Variants in PSME4 observed in about 807,000 individuals in gnomAD.
PSME4 encodes proteasome activator complex subunit 4.
PSME4 carries 89 observed loss-of-function variants against 253.9 expected under a neutral mutation model. The ratio of observed to expected loss-of-function variants is 0.35; its 90% confidence interval spans 0.30 to 0.42. PSME4 has a LOEUF of 0.42. Among genes scored for constraint, PSME4 ranks in the 10% least tolerant of loss-of-function variants. The probability of loss-of-function intolerance (pLI) is 1.00; values close to 1 mark genes in which losing one functional copy is unlikely to be tolerated. For missense variants in PSME4, 2,014 were observed against 2,195.2 expected (o/e 0.92, Z 1.65); for synonymous variants, 851 against 759.2 (o/e 1.12, Z -1.99).
At chr2:53,878,442 G>C (rs940013969) in intron 41 of PSME4, among the ~76,000 whole-genome samples, 3 of 152,184 alleles carry the variant, frequency 2.0e-5, no homozygotes, top group South Asian at 2.1e-4. Context: ...AAAAGAACAG[G>C]ATAACAGCAA....
At chr2:53,936,687 C>T (rs1669131561) in intron 6 of PSME4, 77 bp downstream of exon 6, 11 of 1,052,198 alleles carry the variant, frequency 1.0e-5, no homozygotes, top group Middle Eastern at 2.1e-4. Context: ...ATATTTATCT[C>T]CAAATTAAAA....
Position 53,892,828 on chromosome 2 carries a change from T to C in PSME4, c.4171A>G (p.Lys1391Glu). ...ATCACCTTTTCAAATGTCCAGTGCT[T>C]AGAACCTCTGATTAAACCAGCTATA... The part of the protein sequence containing the change: ...EIIAGLIRGS[K>E]HWTFEKVEKL... The change falls in exon 36 of 47, where the codon AAG (lysine) becomes GAG (glutamate). Residue 1391 changes from lysine (K) to glutamate (E), a missense_variant. Lys to Glu is a moderately conservative substitution (Grantham distance 56, BLOSUM62 1). Around this residue, in one of 4 missense-constraint regions of PSME4, gnomAD observed 403 missense variants for 556.1 expected, o/e 0.72. Transcript: ENST00000404125. 1 of 1,613,530 alleles carries C rather than the reference T, an allele frequency of 6.2e-7. No individual in the cohort carries two copies. Among genetic ancestry groups the C allele is most frequent in the Non-Finnish European group, 8.5e-7 (1 of 1,179,744 alleles).
At chr2:53,877,697 A>G (rs1189133490) in intron 41 of PSME4, among the ~76,000 whole-genome samples, 1 of 152,188 alleles carries the variant, frequency 6.6e-6, no homozygotes, top group Non-Finnish European at 1.5e-5. Context: ...AAACTGGACC[A>G]AAGACAGACA....
At chr2:53,878,092 G>T (rs939974772) in intron 41 of PSME4, among the ~76,000 whole-genome samples, 1 of 152,154 alleles carries the variant, frequency 6.6e-6, no homozygotes, top group Non-Finnish European at 1.5e-5. Context: ...ACTGGCTGTT[G>T]CAGGAAGTCA....
chr2:53,959,845 A>C (rs1670401532), intron 1 of PSME4, among the ~76,000 whole-genome samples: 1 of 152,216 alleles, frequency 6.6e-6, no homozygotes, highest in Non-Finnish European at 1.5e-5. Flanking sequence ...GACAATAATG[A>C]CTCAAACAGT....
chr2:53,900,399 CAAA>C (rs1553409464), intron 28 of PSME4, among the ~76,000 whole-genome samples: 27 of 128,482 alleles, frequency 2.1e-4, no homozygotes, highest in South Asian at 2.6e-4. Flanking sequence ...GTCTCTCTCT[CAAA>C]AAAAAAAAAA....
chr2:53,949,973 C>T lies in PSME4; in HGVS notation c.243-690G>A, dbSNP rs796795574. ...TTATGCAGTAAAAAATTGTTCTGTA[C>T]TTCAATTGAGACATAACCAGGCCAG... On this transcript the variant is annotated intron_variant, in intron 1 of 46. Coordinates refer to ENST00000404125, the MANE Select transcript of PSME4 (RefSeq NM_014614.3). Among the ~76,000 whole-genome samples, 12 of 152,190 alleles carry T rather than the reference C, an allele frequency of 7.9e-5. 1 individual carries two copies. The South Asian group carries it at 2.5e-3, about 32-fold the overall frequency.
At chr2:53,896,740 C>T (rs1680154807) in intron 32 of PSME4, 64 bp downstream of exon 32, 3 of 1,250,842 alleles carry the variant, frequency 2.4e-6, no homozygotes, top group Non-Finnish European at 3.5e-6. Context: ...AGAATTTATA[C>T]ATGTCAAGAA....
intron 11 of PSME4, among the ~76,000 whole-genome samples, chr2:53,927,878 T>C (rs1668638462): frequency 6.6e-6 from 1 of 151,882 alleles, no homozygotes; most frequent in Non-Finnish European, 1.5e-5. Flanking sequence ...ACCCAGGAGG[T>C]GGATCACAGT....
intron 1 of PSME4, among the ~76,000 whole-genome samples, chr2:53,966,118 C>G (rs1268154980): frequency 6.6e-6 from 1 of 151,920 alleles, no homozygotes; most frequent in Non-Finnish European, 1.5e-5. Context: ...AACCCCCTCT[C>G]TAATAAAAAT....
chr2:53,950,108 C>T (rs537788038), intron 1 of PSME4, among the ~76,000 whole-genome samples: 22 of 152,042 alleles, frequency 1.4e-4, no homozygotes, highest in Admixed American at 5.9e-4. Flanking sequence ...AACCCAGTCT[C>T]TACAACAAAT....
intron 44 of PSME4, among the ~76,000 whole-genome samples, chr2:53,867,490 C>A (rs936162817): frequency 5.0e-5 from 7 of 139,600 alleles, no homozygotes; most frequent in Non-Finnish European, 1.1e-4. Context: ...CAGAGTGAGG[C>A]TCCGTCTCAA....
intron 13 of PSME4, 58 bp from the exon 14 acceptor site, chr2:53,925,747 G>T: frequency 6.6e-7 from 1 of 1,515,942 alleles, no homozygotes; most frequent in Non-Finnish European, 9.1e-7. Context: ...GACATTTTTG[G>T]TGGTCATCAG....
In PSME4 at chr2:53,931,855, T is replaced by C; in HGVS notation, c.1296A>G (p.Val432=). 6.2e-7 allele frequency: 1 copy of C among 1,614,230 alleles called. No individual in the cohort carries two copies. Among genetic ancestry groups the C allele is most frequent in the Non-Finnish European group, 8.5e-7 (1 of 1,180,042 alleles). Reference sequence around the variant, plus strand: ...CTTACCTTTCAAGTACAGGGGGTATTACCAATTCAGGTCTCATGAGTGCAA... The same window carrying C: ...CTTACCTTTCAAGTACAGGGGGTATCACCAATTCAGGTCTCATGAGTGCAA... ...QNLALMRPEL[V]IPPVLERTYP... Residue 432 remains valine (V), a synonymous_variant, in exon 10 of 47, where the codon GTA becomes GTG. Transcript: ENST00000404125.
chr2:53,925,918 C>T (rs1668536984), intron 13 of PSME4, 41 bp downstream of exon 13: 13 of 1,562,488 alleles, frequency 8.3e-6, no homozygotes, highest in Non-Finnish European at 1.1e-5. Flanking sequence ...GAGTCATTTT[C>T]TAGAATTTCA....
At chr2:53,924,031 G>T (rs1043586370) in intron 14 of PSME4, among the ~76,000 whole-genome samples, 22 of 151,554 alleles carry the variant, frequency 1.5e-4, no homozygotes, top group African/African-American at 5.3e-4. Context: ...TTGTCTTTCT[G>T]GCTAATTGAA....
chr2:53,935,611 T>C (rs569503729), intron 7 of PSME4, among the ~76,000 whole-genome samples: 10 of 152,274 alleles, frequency 6.6e-5, no homozygotes, highest in South Asian at 2.1e-4. Context: ...ACAAAATCCA[T>C]TGGAAGGTAC....
intron 39 of PSME4, 72 bp from the exon 40 acceptor site, chr2:53,887,539 A>T: frequency 7.4e-7 from 1 of 1,355,772 alleles, no homozygotes. Context: ...AAAAGTTATG[A>T]CCCAATCAAA....
intron 40 of PSME4, among the ~76,000 whole-genome samples, chr2:53,886,840 C>T (rs570336346): frequency 6.6e-6 from 1 of 151,946 alleles, no homozygotes; most frequent in East Asian, 1.9e-4. Context: ...AGATTAAGGA[C>T]ACAACATGAT....
Sources: allele counts gnomAD v4.1 joint callset (sites outside exome capture counted in the v4.1 genomes callset), GRCh38; gene constraint gnomAD v4.1.1; regional missense constraint gnomAD v4.1.1; transcripts MANE v1.5; gene names NCBI Gene and HGNC (gene_info 2026-07-23, HGNC 2026-07-21).